VTI1A: variants seen among roughly 807,000 people sequenced by gnomAD.
The protein encoded by VTI1A is vesicle transport through interaction with t-SNAREs homolog 1A.
VTI1A carries 22 observed loss-of-function variants against 34.9 expected under a neutral mutation model. That is an observed-to-expected ratio of 0.63 (90% confidence interval 0.45 to 0.90). The LOEUF is 0.90. VTI1A is among the 40% of genes least tolerant of loss of function. VTI1A has a pLI of 0.00. For synonymous variants in VTI1A, 87 were observed against 97.3 expected (o/e 0.89, Z 0.62); for missense variants, 268 against 275.6 (o/e 0.97, Z 0.20).
chr10:112,789,669 G>A (rs4918774), intron 7 of VTI1A, among the ~76,000 whole-genome samples: 117,662 of 151,964 alleles, frequency 0.77, 45,836 homozygotes, highest in East Asian at 0.94. Flanking sequence ...ACAGATTTTC[G>A]AGTTCATAAT....
rs139943444 is a variant in VTI1A, at chr10:112,794,021, A to G, written c.561-21269A>G. The stretch of plus-strand genomic sequence containing the variant: ...TCACCCCTCACTTTTTAAGTTCTAA[A>G]TGTATTCCACATAAACTTTTATTTC... On this transcript the variant is annotated intron_variant, in intron 7 of 7. Coordinates refer to ENST00000393077, the MANE Select transcript of VTI1A (RefSeq NM_145206.4). Among the ~76,000 whole-genome samples the G allele has an allele frequency of 2.7e-3, 410 of 152,292 alleles. 1 individual carries two copies. The highest frequency in any genetic ancestry group is 9.3e-3 in the African/African-American group (385 of 41,574).
At chr10:112,827,224 C>T in the VTI1A span, 1 of 152,198 alleles carries the variant, frequency 6.6e-6, no homozygotes, top group African/African-American at 2.4e-5. Context: ...TAATTAATCG[C>T]TCTTCTCCGT....
chr10:112,838,060 G>C, the VTI1A span, among the ~76,000 whole-genome samples: 2,347 of 152,320 alleles, frequency 0.015, 18 homozygotes, highest in Non-Finnish European at 0.024. Context: ...ATTCAGGACC[G>C]AGGCCAGTGT....
intron 3 of VTI1A, among the ~76,000 whole-genome samples, chr10:112,518,236 G>A (rs1163761011): frequency 1.3e-5 from 2 of 151,918 alleles, no homozygotes; most frequent in Non-Finnish European, 2.9e-5. Context: ...TATGCTGGAG[G>A]TTGCAAACTT....
chr10:112,717,079 CTCTGTATGGAAAA>C (rs1849636415), intron 7 of VTI1A, among the ~76,000 whole-genome samples: 1 of 152,198 alleles, frequency 6.6e-6, no homozygotes. Flanking sequence ...CCCTAAGCTC[CTCTGTATGGAAAA>C]TCTAGAGATT....
At chr10:112,783,425 A>ACACACACACACT (rs1397746873) in intron 7 of VTI1A, among the ~76,000 whole-genome samples, 13 of 151,870 alleles carry the variant, frequency 8.6e-5, no homozygotes, top group African/African-American at 3.1e-4. Context: ...ACACACACAC[A>ACACACACACACT]CTGCCTCCTC....
At chr10:112,746,010 C>G (rs1045947016) in intron 7 of VTI1A, among the ~76,000 whole-genome samples, 5 of 152,156 alleles carry the variant, frequency 3.3e-5, no homozygotes, top group Admixed American at 1.3e-4. Flanking sequence ...CTTCCCTATC[C>G]CACCTTAGTG....
intron 7 of VTI1A, among the ~76,000 whole-genome samples, chr10:112,765,473 G>A (rs1316047050): frequency 2.0e-5 from 3 of 152,190 alleles, no homozygotes. Flanking sequence ...GCCTCCCAAA[G>A]TGCTGAGATT....
intron 3 of VTI1A, among the ~76,000 whole-genome samples, chr10:112,523,908 C>T (rs1385120510): frequency 1.3e-5 from 2 of 152,024 alleles, no homozygotes; most frequent in Non-Finnish European, 2.9e-5. Flanking sequence ...GAATTTTATA[C>T]CGTTGATAAT....
chr10:112,554,667 T>G (rs1418143315), intron 5 of VTI1A, among the ~76,000 whole-genome samples: 1 of 152,176 alleles, frequency 6.6e-6, no homozygotes, highest in Non-Finnish European at 1.5e-5. Flanking sequence ...AATTTTTTAT[T>G]AAAATTATAG....
intron 7 of VTI1A, among the ~76,000 whole-genome samples, chr10:112,791,464 G>C (rs1374683243): frequency 2.0e-5 from 3 of 152,122 alleles, no homozygotes. Flanking sequence ...CCACTCATCA[G>C]GTGATTGGAG....
chr10:112,570,479 G>A (rs79545807), intron 5 of VTI1A, among the ~76,000 whole-genome samples: 5,536 of 152,246 alleles, frequency 0.036, 362 homozygotes, highest in East Asian at 0.27. Context: ...CTAATTTCCA[G>A]TTGGAAAAAT....
intron 3 of VTI1A, among the ~76,000 whole-genome samples, chr10:112,498,399 C>T (rs1196689810): frequency 6.6e-6 from 1 of 151,996 alleles, no homozygotes; most frequent in African/African-American, 2.4e-5. Context: ...GGATACTTTT[C>T]CTCTTACTTG....
intron 7 of VTI1A, among the ~76,000 whole-genome samples, chr10:112,793,251 A>G (rs528667146): frequency 3.5e-4 from 53 of 152,326 alleles, no homozygotes; most frequent in African/African-American, 1.1e-3. Flanking sequence ...CCCAATTAGT[A>G]CAAGAAACCC....
At chr10:112,642,022 G>A (rs1846596280) in intron 5 of VTI1A, among the ~76,000 whole-genome samples, 1 of 152,150 alleles carries the variant, frequency 6.6e-6, no homozygotes, top group African/African-American at 2.4e-5. Flanking sequence ...AAGTTAACAT[G>A]TATTGCATTT....
intron 3 of VTI1A, among the ~76,000 whole-genome samples, chr10:112,501,934 G>T (rs756581506): frequency 6.6e-6 from 1 of 151,256 alleles, no homozygotes; most frequent in African/African-American, 2.4e-5. Context: ...TATATCCTCC[G>T]TGCTGTTTTA....
intron 7 of VTI1A, among the ~76,000 whole-genome samples, chr10:112,731,548 C>T (rs1022613072): frequency 1.4e-4 from 21 of 149,332 alleles, no homozygotes; most frequent in Non-Finnish European, 2.7e-4. Context: ...ACACTCCAGC[C>T]TGGGCAACAA....
At chr10:112,683,653 C>G (rs900377051) in intron 7 of VTI1A, among the ~76,000 whole-genome samples, 2 of 152,126 alleles carry the variant, frequency 1.3e-5, no homozygotes, top group Non-Finnish European at 2.9e-5. Context: ...GCTCTACTCA[C>G]TTAATATTAT....
chr10:112,701,380 A>G lies in VTI1A; in HGVS notation c.560+32382A>G, dbSNP rs918051175. On this transcript the variant is annotated intron_variant, in intron 7 of 7. Transcript: ENST00000393077. ...AATGGCTGGAAGATCCCAGAGGGAA[A>G]TTTAGGGGGGCTCTTCATTCTGTTT... Among the ~76,000 whole-genome samples the G allele has an allele frequency of 5.3e-5, 8 of 152,328 alleles. 1 individual carries two copies. In the South Asian group the frequency reaches 1.5e-3, roughly 28 times the overall value.
Sources: allele counts gnomAD v4.1 joint callset (sites outside exome capture counted in the v4.1 genomes callset), GRCh38; gene constraint gnomAD v4.1.1; transcripts MANE v1.5; gene names NCBI Gene and HGNC (gene_info 2026-07-23, HGNC 2026-07-21).